C3orf52: variants seen among roughly 807,000 people sequenced by gnomAD.
C3orf52 encodes the protein chromosome 3 open reading frame 52.
C3orf52 carries 22 observed loss-of-function variants against 24.8 expected under a neutral mutation model. The ratio of observed to expected loss-of-function variants is 0.89; its 90% CI spans 0.63 to 1.27. C3orf52 has a LOEUF of 1.27. C3orf52 is among the 50% of genes most tolerant of loss of function. The pLI, the probability that C3orf52 is intolerant of heterozygous loss-of-function variation, is 0.00. For synonymous variants in C3orf52, 93 were observed against 100.2 expected, an observed-to-expected ratio of 0.93 and a Z score of 0.43; for missense variants, 265 against 260.7, an observed-to-expected ratio of 1.02 and a Z score of -0.11.
chr3:112,098,006 A>C (rs2073940307), intron 2 of C3orf52, among the ~76,000 whole-genome samples: 1 of 152,218 alleles, frequency 6.6e-6, no homozygotes, highest in African/African-American at 2.4e-5. Context: ...CTCAGGTATA[A>C]ATGGGTTAAC....
Position 112,118,194 on chromosome 3 carries a change from A to G in C3orf52, c.*1548A>G, listed in dbSNP as rs2074156165. ...AATGATTTAAAAACATTTACAATAC[A>G]TTATTTTTGCATCTGTGTTGTTGCA... On this transcript the variant is annotated 3_prime_UTR_variant, in exon 6 of 6. Coordinates refer to ENST00000264848, the MANE Select transcript of C3orf52 (RefSeq NM_024616.3). 6.6e-6 allele frequency: 1 copy of G among 152,176 alleles called. No individual in the cohort carries two copies. Among genetic ancestry groups the G allele is most frequent in the African/African-American group, 2.4e-5 (1 of 41,430 alleles). The allele number at this position is 152,176 out of a possible 1,614,324, so 9.4% of individuals were successfully genotyped here. A position where few individuals can be genotyped will look rare whatever the true frequency, so the allele number is the denominator to read the frequency against.
rs1258580396 is a variant in C3orf52, at chr3:112,118,205, A to T, written c.*1559A>T. On this transcript the variant is annotated 3_prime_UTR_variant, in exon 6 of 6. Coordinates refer to ENST00000264848, the MANE Select transcript of C3orf52 (RefSeq NM_024616.3). ...AACATTTACAATACATTATTTTTGCATCTGTGTTGTTGCATTCCCATTGGC... is the reference window on the plus strand; with the variant it reads ...AACATTTACAATACATTATTTTTGCTTCTGTGTTGTTGCATTCCCATTGGC... 1 of 152,222 alleles carries T rather than the reference A, an allele frequency of 6.6e-6. No individual in the cohort carries two copies. The highest frequency in any genetic ancestry group is 1.9e-4 in the East Asian group (1 of 5,204). The allele number at this position is 152,222 out of a possible 1,614,324, so 9.4% of individuals were successfully genotyped here. A position where few individuals can be genotyped will look rare whatever the true frequency, so the allele number is the denominator to read the frequency against.
chr3:112,116,492 A>C, intron 5 of C3orf52, 150 bp from the exon 6 acceptor site: 1 of 644,896 alleles, frequency 1.6e-6, no homozygotes, highest in African/African-American at 1.8e-5. Context: ...TGTTGGACTG[A>C]AGACTAAATT....
intron 2 of C3orf52, among the ~76,000 whole-genome samples, chr3:112,099,066 T>C (rs1382207371): frequency 6.6e-6 from 1 of 152,164 alleles, no homozygotes; most frequent in African/African-American, 2.4e-5. Flanking sequence ...TGTGTGGCTC[T>C]TTGTTGTTTG....
Position 112,117,045 on chromosome 3 carries a change from C to A in C3orf52, c.*399C>A. The A allele has an allele frequency of 2.2e-6, 2 of 917,756 alleles. No homozygotes were observed. Among genetic ancestry groups the A allele is most frequent in the Non-Finnish European group, 3.2e-6 (2 of 616,560 alleles). 56.9% of individuals were successfully genotyped at this position (917,756 alleles called of 1,614,324 possible). A position where few individuals can be genotyped will look rare whatever the true frequency, so the allele number is the denominator to read the frequency against. Reference sequence around the variant, plus strand: ...ATGGCACTGCTATTCTTGAAGCACTCCACCCACCTGGGCTACTTTTTCTTT... The same window carrying A: ...ATGGCACTGCTATTCTTGAAGCACTACACCCACCTGGGCTACTTTTTCTTT... On this transcript the variant is annotated 3_prime_UTR_variant, in exon 6 of 6. Coordinates refer to ENST00000264848, the MANE Select transcript of C3orf52 (RefSeq NM_024616.3).
downstream of C3orf52, among the ~76,000 whole-genome samples, chr3:112,131,887 G>A (rs189956318): frequency 2.4e-3 from 358 of 152,138 alleles, 11 homozygotes; most frequent in South Asian, 0.033. Context: ...ACCATAAGAA[G>A]TCCAAATAGC....
downstream of C3orf52, chr3:112,123,187 C>T (rs572648350): frequency 1.0e-5 from 5 of 501,196 alleles, no homozygotes; most frequent in South Asian, 1.2e-4. Context: ...ATCAGGGAGC[C>T]CCTCCTACCA....
intron 1 of C3orf52, among the ~76,000 whole-genome samples, chr3:112,086,795 G>A (rs2073832123): frequency 6.6e-6 from 1 of 152,210 alleles, no homozygotes; most frequent in African/African-American, 2.4e-5. Context: ...AATCCTAGTG[G>A]TGAGGTGTGG....
intron 4 of C3orf52, chr3:112,123,402 C>G: frequency 6.3e-7 from 1 of 1,577,802 alleles, no homozygotes; most frequent in Middle Eastern, 1.8e-4. Context: ...GGCAGATCCC[C>G]CATCCCACCT....
chr3:112,124,612 AAAAT>A (rs983933609), intron 4 of C3orf52, among the ~76,000 whole-genome samples: 3 of 152,186 alleles, frequency 2.0e-5, no homozygotes, highest in African/African-American at 7.2e-5. Flanking sequence ...CTGTCTCCAA[AAAAT>A]AAATAAATAA....
intron 5 of C3orf52, among the ~76,000 whole-genome samples, chr3:112,115,140 C>T (rs2074122723): frequency 6.6e-6 from 1 of 152,188 alleles, no homozygotes; most frequent in Non-Finnish European, 1.5e-5. Context: ...TTTTCTGTGA[C>T]CCCATGTCCC....
intron 4 of C3orf52, chr3:112,123,472 G>T: frequency 1.2e-6 from 2 of 1,614,014 alleles, no homozygotes; most frequent in South Asian, 2.2e-5. Flanking sequence ...TGGGAAAACT[G>T]AGTCTCAGAA....
intron 4 of C3orf52, chr3:112,123,806 G>A (rs776928113): frequency 6.3e-7 from 1 of 1,590,366 alleles, no homozygotes; most frequent in Admixed American, 1.7e-5. Flanking sequence ...ATCAAGATTT[G>A]GTCTCTTGCC....
intron 3 of C3orf52, among the ~76,000 whole-genome samples, chr3:112,104,060 G>A (rs2074002784): frequency 6.6e-6 from 1 of 152,178 alleles, no homozygotes; most frequent in Non-Finnish European, 1.5e-5. Context: ...CTAGGGCAGT[G>A]TCGGGAAAAT....
intron 1 of C3orf52, 47 bp from the exon 2 acceptor site, chr3:112,093,313 C>A: frequency 6.2e-7 from 1 of 1,606,192 alleles, no homozygotes; most frequent in South Asian, 1.1e-5. Context: ...TCAGAACTGT[C>A]TGTTGCAACA....
At chr3:112,109,747 T>C (rs922513702) in intron 4 of C3orf52, 134 bp downstream of exon 4, 1 of 589,532 alleles carries the variant, frequency 1.7e-6, no homozygotes, top group Non-Finnish European at 3.1e-6. Context: ...AATCACAGAA[T>C]GTCAGTGCTG....
chr3:112,117,121 TG>T lies in C3orf52; in HGVS notation c.*477del. The T allele has an allele frequency of 1.7e-6, 1 of 588,966 alleles. No homozygotes were observed. Among genetic ancestry groups the T allele is most frequent in the Non-Finnish European group, 3.0e-6 (1 of 336,678 alleles). The allele number at this position is 588,966 out of a possible 1,614,324, so 36.5% of individuals were successfully genotyped here. ...TAGGTGGGATCGCGTAAGCATGAGC[TG>T]GTAGAGCACGGAGAGGCAGGCAGCC... On this transcript the variant is annotated 3_prime_UTR_variant, in exon 6 of 6. Coordinates refer to ENST00000264848, the MANE Select transcript of C3orf52 (RefSeq NM_024616.3).
In C3orf52 at chr3:112,093,367, A is replaced by G. The variant is rs114399573; in HGVS notation, c.146A>G (p.Lys49Arg). The G allele has an allele frequency of 4.7e-3, 7,634 of 1,613,794 alleles. 28 individuals are homozygous for G. The highest frequency in any genetic ancestry group is 9.6e-3 in the Middle Eastern group (58 of 6,062). Residue 49 changes from lysine (K) to arginine (R), a missense_variant, in exon 2 of 6, where the codon AAG becomes AGG. Transcript: ENST00000264848. Reference protein sequence around the residue: ...DEEVPPAEANKESPWSSCNKN... With the variant: ...DEEVPPAEANRESPWSSCNKN... Reference sequence around the variant, plus strand: ...CTCCCTCTGCCTTTCTAGGCTAACAAGGAAAGCCCCTGGAGCTCCTGTAAT... The same window carrying G: ...CTCCCTCTGCCTTTCTAGGCTAACAGGGAAAGCCCCTGGAGCTCCTGTAAT...
In C3orf52 at chr3:112,117,144, A is replaced by G. The variant is rs2074142447; in HGVS notation, c.*498A>G. The G allele has an allele frequency of 1.1e-5, 6 of 566,130 alleles. No individual in the cohort carries two copies. The Admixed American group carries it at 1.2e-4, about 12-fold the overall frequency. The allele number at this position is 566,130 out of a possible 1,614,324, so 35.1% of individuals were successfully genotyped here. A position where few individuals can be genotyped will look rare whatever the true frequency, so the allele number is the denominator to read the frequency against. ...GCTGGTAGAGCACGGAGAGGCAGGCAGCCAGGTTACGAAGACTAAGCCAAT... is the reference window on the plus strand; with the variant it reads ...GCTGGTAGAGCACGGAGAGGCAGGCGGCCAGGTTACGAAGACTAAGCCAAT... On this transcript the variant is annotated 3_prime_UTR_variant, in exon 6 of 6. Coordinates refer to ENST00000264848, the MANE Select transcript of C3orf52 (RefSeq NM_024616.3).
Sources: allele counts gnomAD v4.1 joint callset (sites outside exome capture counted in the v4.1 genomes callset), GRCh38; gene constraint gnomAD v4.1.1; transcripts MANE v1.5; gene names NCBI Gene and HGNC (gene_info 2026-07-23, HGNC 2026-07-21).